Variants in SETD1A observed in about 807,000 individuals in gnomAD.
The protein encoded by SETD1A is SET domain containing 1A, histone lysine methyltransferase, also known as histone-lysine N-methyltransferase SETD1A.
Under a neutral mutation model 149.9 loss-of-function variants are expected in SETD1A, and 29 were observed. The ratio of observed to expected loss-of-function variants is 0.19; its 90% CI spans 0.14 to 0.26. The LOEUF is 0.26. Ranked by LOEUF, SETD1A falls within the 10% of genes least tolerant of loss-of-function variation. The pLI is 1.00. For synonymous variants in SETD1A, 1,141 were observed against 968.5 expected, an observed-to-expected ratio of 1.18 and a Z score of -3.31; for missense variants, 2,109 against 2,353.1, an observed-to-expected ratio of 0.90 and a Z score of 2.15.
At chr16:30,960,750 T>TC (rs2056041906) in intron 3 of SETD1A, among the ~76,000 whole-genome samples, 4 of 147,300 alleles carry the variant, frequency 2.7e-5, no homozygotes, top group Non-Finnish European at 4.5e-5. Context: ...TTTTTTTTTT[T>TC]TTTGAGACGG....
chr16:30,983,502 G>C lies in SETD1A; in HGVS notation c.4813-133G>C. The stretch of plus-strand genomic sequence containing the variant: ...AAGCAGAGTCGAGAGAGTCAGTGCC[G>C]GGTTAGCGGGAGCTGGAGGCAGAGC... On this transcript the variant is annotated intron_variant, in intron 17 of 18. Transcript: ENST00000262519. This position sits in a 1 kb window ranked among gnomAD's most constrained non-coding sequence, Gnocchi z 6.8. The C allele has an allele frequency of 6.7e-6, 7 of 1,039,414 alleles. No individual in the cohort carries two copies. Among genetic ancestry groups the C allele is most frequent in the Non-Finnish European group, 9.9e-6 (7 of 705,610 alleles). The allele number at this position is 1,039,414 out of a possible 1,614,324, so 64.4% of individuals were successfully genotyped here.
chr16:30,971,569 C>G lies in SETD1A; in HGVS notation c.3208C>G (p.Arg1070Gly), dbSNP rs776011822. ...SSSEDEEEEE[R>G]PAALPSASPP... is the part of the protein sequence containing the mutation. ...CTCTGAAGATGAAGAGGAAGAGGAG[C>G]GGCCAGCAGCCCTTCCCTCAGCCTC... The change falls in exon 13 of 19, where the codon CGG (arginine) becomes GGG (glycine). Residue 1070 changes from arginine to glycine, a missense_variant. Around this residue, in one of 8 missense-constraint regions of SETD1A, gnomAD observed 832 missense variants for 815.6 expected, o/e 1.02. Transcript: ENST00000262519. 1 of 1,613,694 alleles carries G rather than the reference C, an allele frequency of 6.2e-7. No homozygotes were observed. The highest frequency in any genetic ancestry group is 8.5e-7 in the Non-Finnish European group (1 of 1,179,906).
rs1169267801 is a variant in SETD1A, at chr16:30,979,125, C to A, written c.3359-20C>A. ...TGGGTCTCCCTGACCTCCTTTCCTT[C>A]CTATGTGCTTCCTTCCCAGGCCCCA... On this transcript the variant is annotated intron_variant, in intron 13 of 18. Transcript: ENST00000262519. The A allele has an allele frequency of 1.3e-6, 2 of 1,526,468 alleles. No individual in the cohort carries two copies. The highest frequency in any genetic ancestry group is 1.8e-6 in the Non-Finnish European group (2 of 1,135,710). 94.6% of individuals were successfully genotyped at this position (1,526,468 alleles called of 1,614,324 possible).
chr16:30,965,542 T>A, intron 7 of SETD1A, 59 bp from the exon 8 acceptor site: 4 of 1,593,932 alleles, frequency 2.5e-6, no homozygotes, highest in Non-Finnish European at 3.4e-6. Context: ...GGGAACCAGA[T>A]GAGAAAGTAG....
Position 30,980,013 on chromosome 16 carries a change from G to T in SETD1A, c.4227G>T (p.Pro1409=). 14 of 388,392 alleles carry T rather than the reference G, an allele frequency of 3.6e-5. No homozygotes were observed. The highest frequency in any genetic ancestry group is 6.0e-5 in the Non-Finnish European group (14 of 235,122). The allele number at this position is 388,392 out of a possible 1,614,324, so 24.1% of individuals were successfully genotyped here. Residue 1409 remains proline (P), a synonymous_variant, in exon 14 of 19, where the codon CCG becomes CCT. Transcript: ENST00000262519. This position sits in a 1 kb window ranked among gnomAD's most constrained non-coding sequence, Gnocchi z 7.7. ...GCCGCCCTCCGCCCCCACCCCCGCC[G>T]CCACCGCCCCGCGCCTACGAGCCAC... The part of the protein sequence containing the change: ...RRRRPPPPPP[P]PPPRAYEPRS...
rs779798483 is a variant in SETD1A, at chr16:30,980,518, G to A, written c.4442G>A (p.Arg1481Gln). 4.3e-6 allele frequency: 7 copies of A among 1,614,084 alleles called. No homozygotes were observed. Among genetic ancestry groups the A allele is most frequent in the Admixed American group, 1.7e-5 (1 of 60,018 alleles). Reference protein sequence around the residue: ...TNLTTPKRKRRPQDGPREHQT... With the variant: ...TNLTTPKRKRQPQDGPREHQT... ...CTGACCACCCCAAAACGCAAGCGGC[G>A]GCCCCAGGATGGGCCCCGGGAGCAC... Residue 1481 changes from arginine (R) to glutamine (Q), a missense_variant, in exon 15 of 19, where the codon CGG becomes CAG. By Grantham distance (43) the Arg-to-Gln change is conservative. Transcript: ENST00000262519. This position sits in a 1 kb window ranked among gnomAD's most constrained non-coding sequence, Gnocchi z 7.7.
chr16:30,977,985 A>G (rs918398791), intron 13 of SETD1A, among the ~76,000 whole-genome samples: 1 of 152,158 alleles, frequency 6.6e-6, no homozygotes, highest in African/African-American at 2.4e-5. Flanking sequence ...TCTGTAAGAT[A>G]GGACCCTCTG....
At position 30,959,048 on chromosome 16, in the gene SETD1A, G is replaced by A. The variant is rs2056008676; in HGVS notation, c.151-43G>A. On this transcript the variant is annotated intron_variant, in intron 2 of 18. Coordinates refer to ENST00000262519, the MANE Select transcript of SETD1A (RefSeq NM_014712.3). The stretch of plus-strand genomic sequence containing the variant: ...GGGCTGCTTGGAGCTCCCTAGCCTG[G>A]ATTCACCCTGAGCTCTCTTTCTGCT... The A allele has an allele frequency of 2.0e-6, 3 of 1,519,084 alleles. No individual in the cohort carries two copies. In the South Asian group the frequency reaches 3.4e-5, roughly 17 times the overall value. 94.1% of individuals were successfully genotyped at this position (1,519,084 alleles called of 1,614,324 possible).
chr16:30,980,301 A>G lies in SETD1A; in HGVS notation c.4408+107A>G. The G allele has an allele frequency of 6.9e-7, 1 of 1,449,670 alleles. No homozygotes were observed. 89.8% of individuals were successfully genotyped at this position (1,449,670 alleles called of 1,614,324 possible). On this transcript the variant is annotated intron_variant, in intron 14 of 18. Coordinates refer to ENST00000262519, the MANE Select transcript of SETD1A (RefSeq NM_014712.3). This position sits in a 1 kb window ranked among gnomAD's most constrained non-coding sequence, Gnocchi z 7.7. ...TCTGCCTCCCCTCTGGCTCCAAGCC[A>G]TCTTTTCTCTCCTCCTGGTGCCTCT...
chr16:30,981,421 C>G (rs2056376245), intron 17 of SETD1A, among the ~76,000 whole-genome samples: 1 of 152,190 alleles, frequency 6.6e-6, no homozygotes, highest in Admixed American at 6.5e-5. Context: ...TGTTGCCAGG[C>G]TGTAGTGCAG....
chr16:30,975,378 G>A (rs1596686993), intron 13 of SETD1A, among the ~76,000 whole-genome samples: 1 of 151,746 alleles, frequency 6.6e-6, no homozygotes, highest in Non-Finnish European at 1.5e-5. Flanking sequence ...CAGGCTCTAG[G>A]CATAGCATGT....
In SETD1A at chr16:30,980,806, C is replaced by A. The variant is rs2056366499; in HGVS notation, c.4649C>A (p.Ser1550Tyr). ...CGGCTGCTGAGCGCCATCGGTACCT[C>A]CGCCATCATGGACAGTGACCTGCTG... ...QRRLLSAIGT[S>Y]AIMDSDLLKL... The change falls in exon 16 of 19, where the codon TCC (serine) becomes TAC (tyrosine). Residue 1550 changes from serine to tyrosine, a missense_variant. Ser to Tyr is a moderately radical substitution (Grantham distance 144). Around this residue, in one of 8 missense-constraint regions of SETD1A, gnomAD observed 254 missense variants for 409.3 expected, o/e 0.62. Coordinates refer to ENST00000262519, the MANE Select transcript of SETD1A (RefSeq NM_014712.3). The surrounding 1 kb of genome is among the most constrained non-coding windows in gnomAD (Gnocchi z 7.7). 1 of 1,613,100 alleles carries A rather than the reference C, an allele frequency of 6.2e-7. No homozygotes were observed. Among genetic ancestry groups the A allele is most frequent in the Admixed American group, 1.7e-5 (1 of 59,980 alleles).
intron 5 of SETD1A, 57 bp from the exon 6 acceptor site, chr16:30,964,037 G>A: frequency 7.4e-7 from 1 of 1,351,754 alleles, no homozygotes. Context: ...GGAAAGGGCA[G>A]GTCTCAAGTG....
rs2056322305 is a variant in SETD1A at position 30,979,076 on chromosome 16, A to G, written c.3359-69A>G. ...GGGGGAGAGCACACAGCCTGTGGTC[A>G]TGGGCGGCCAGGGTGGCTGAGCCTG... On this transcript the variant is annotated intron_variant, in intron 13 of 18. Transcript: ENST00000262519. 8 of 1,449,226 alleles carry G rather than the reference A, an allele frequency of 5.5e-6. No homozygotes were observed. The South Asian group carries it at 9.9e-5, about 18-fold the overall frequency. 89.8% of individuals were successfully genotyped at this position (1,449,226 alleles called of 1,614,324 possible). A position where few individuals can be genotyped will look rare whatever the true frequency, so the allele number is the denominator to read the frequency against.
rs560561361 is a variant in SETD1A, at chr16:30,968,756, G to A, written c.2771-549G>A. 2.6e-5 allele frequency among the ~76,000 whole-genome samples: 4 copies of A among 151,544 alleles called. No homozygotes were observed. The South Asian group carries it at 6.3e-4, about 24-fold the overall frequency. On this transcript the variant is annotated intron_variant, in intron 10 of 18. Coordinates refer to ENST00000262519, the MANE Select transcript of SETD1A (RefSeq NM_014712.3). ...GCAGAGGCTGCTGTGAGCTGAGATT[G>A]TGCCACTGCACTCCAGCCTGGCGAC... is the stretch of plus-strand genomic sequence containing the variant.
At chr16:30,971,810 T>G in intron 13 of SETD1A, 91 bp downstream of exon 13, 1 of 1,418,950 alleles carries the variant, frequency 7.0e-7, no homozygotes, top group Non-Finnish European at 9.3e-7. Context: ...TACAAGTGTG[T>G]GACTTTATTA....
chr16:30,982,019 G>A lies in SETD1A; in HGVS notation c.4812+839G>A, dbSNP rs1023076219. Among the ~76,000 whole-genome samples the A allele has an allele frequency of 5.3e-5, 8 of 152,288 alleles. No individual in the cohort carries two copies. In the East Asian group the frequency reaches 1.5e-3, roughly 29 times the overall value. ...GATCTTAACAAGATCTGGGGAGTTG[G>A]GCTATGGGAACACACACCTGGGGGG... On this transcript the variant is annotated intron_variant, in intron 17 of 18. Coordinates refer to ENST00000262519, the MANE Select transcript of SETD1A (RefSeq NM_014712.3).
chr16:30,975,236 G>A (rs1445760820), intron 13 of SETD1A, among the ~76,000 whole-genome samples: 3 of 151,964 alleles, frequency 2.0e-5, no homozygotes, highest in Non-Finnish European at 2.9e-5. Context: ...CCTGAACCTG[G>A]GAGGTGGAGG....
rs1429898380 is a variant in SETD1A, at chr16:30,983,530, C to T, written c.4813-105C>T. 2.2e-6 allele frequency: 3 copies of T among 1,354,190 alleles called. No homozygotes were observed. Among genetic ancestry groups the T allele is most frequent in the Non-Finnish European group, 2.0e-6 (2 of 983,908 alleles). The allele number at this position is 1,354,190 out of a possible 1,614,324, so 83.9% of individuals were successfully genotyped here. A position where few individuals can be genotyped will look rare whatever the true frequency, so the allele number is the denominator to read the frequency against. ...TTAGCGGGAGCTGGAGGCAGAGCTGCAGCTCCAGGCCTGGTGGGCGTGGAC... is the reference window on the plus strand; with the variant it reads ...TTAGCGGGAGCTGGAGGCAGAGCTGTAGCTCCAGGCCTGGTGGGCGTGGAC... On this transcript the variant is annotated intron_variant, in intron 17 of 18. Transcript: ENST00000262519. This position sits in a 1 kb window ranked among gnomAD's most constrained non-coding sequence, Gnocchi z 6.8.
Sources: allele counts gnomAD v4.1 joint callset (sites outside exome capture counted in the v4.1 genomes callset), GRCh38; gene constraint gnomAD v4.1.1; regional missense constraint gnomAD v4.1.1; non-coding constraint Gnocchi (gnomAD v3.1); transcripts MANE v1.5; gene names NCBI Gene and HGNC (gene_info 2026-07-23, HGNC 2026-07-21).